The following ROBO2 variants were observed in gnomAD, a reference collection of about 807,000 sequenced individuals.
ROBO2 encodes roundabout homolog 2.
In ROBO2, 53 loss-of-function variants were observed where a neutral mutation model predicts 160.8. That is an observed-to-expected ratio of 0.33 (90% CI 0.26 to 0.41). The LOEUF (loss-of-function observed/expected upper bound fraction) is 0.41. ROBO2 is among the 10% of genes least tolerant of loss of function. The pLI is 1.00. For missense variants in ROBO2, 1,577 were observed against 1,722.4 expected (o/e 0.92, Z 1.49); for synonymous variants, 664 against 611.7 (o/e 1.09, Z -1.26).
chr3:77,171,653 A>C (rs1406038198), intron 2 of ROBO2, among the ~76,000 whole-genome samples: 1 of 152,196 alleles, frequency 6.6e-6, no homozygotes, highest in African/African-American at 2.4e-5. Context: ...TTGTACAGGT[A>C]TCAGAATGAG....
At chr3:75,989,230 G>A (rs1023964439) in intron 2 of ROBO2, among the ~76,000 whole-genome samples, 1 of 152,052 alleles carries the variant, frequency 6.6e-6, no homozygotes. Flanking sequence ...CAATTCTCCT[G>A]CCTCAGCCTC....
chr3:77,341,825 A>G (rs1274558824), intron 2 of ROBO2, among the ~76,000 whole-genome samples: 1 of 151,490 alleles, frequency 6.6e-6, no homozygotes, highest in Non-Finnish European at 1.5e-5. Context: ...GGTTATATGC[A>G]TATTCTAATT....
At chr3:75,919,520 G>C (rs1946940849) in intron 1 of ROBO2, among the ~76,000 whole-genome samples, 1 of 152,170 alleles carries the variant, frequency 6.6e-6, no homozygotes, top group South Asian at 2.1e-4. Flanking sequence ...GTCTTTGCCA[G>C]GTTTTGGAAT....
chr3:76,603,962 C>A (rs1308973886), intron 2 of ROBO2, among the ~76,000 whole-genome samples: 1 of 152,088 alleles, frequency 6.6e-6, no homozygotes, highest in African/African-American at 2.4e-5. Flanking sequence ...CAGTTGTTTA[C>A]AGAAAGAAAA....
At chr3:76,299,608 T>G (rs1306286864) in intron 2 of ROBO2, among the ~76,000 whole-genome samples, 1 of 152,078 alleles carries the variant, frequency 6.6e-6, no homozygotes, top group African/African-American at 2.4e-5. Flanking sequence ...TGACTTAGGT[T>G]TTGAAAAGAC....
chr3:77,091,183 T>C (rs570123612), intron 1 of ROBO2, among the ~76,000 whole-genome samples: 8 of 152,126 alleles, frequency 5.3e-5, no homozygotes, highest in South Asian at 2.1e-4. Flanking sequence ...TCCAACTCAA[T>C]GAGGCAGAGA....
At chr3:76,666,817 A>G (rs1052773382) in intron 2 of ROBO2, among the ~76,000 whole-genome samples, 2 of 152,104 alleles carry the variant, frequency 1.3e-5, no homozygotes, top group Non-Finnish European at 2.9e-5. Flanking sequence ...GATTACATTT[A>G]TTTTTAAAGC....
chr3:77,325,174 T>G (rs1303501472), intron 2 of ROBO2, among the ~76,000 whole-genome samples: 1 of 149,280 alleles, frequency 6.7e-6, no homozygotes, highest in Non-Finnish European at 1.5e-5. Context: ...TCCAAATACT[T>G]ACAACATTTT....
chr3:77,179,771 G>A (rs2080522119), intron 2 of ROBO2, among the ~76,000 whole-genome samples: 1 of 152,048 alleles, frequency 6.6e-6, no homozygotes, highest in Non-Finnish European at 1.5e-5. Context: ...ACAAAGATTG[G>A]CCTTTATGGA....
intron 4 of ROBO2, among the ~76,000 whole-genome samples, chr3:77,490,303 G>T (rs942532975): frequency 6.6e-6 from 1 of 151,892 alleles, no homozygotes; most frequent in Non-Finnish European, 1.5e-5. Context: ...TGTTAGCCAG[G>T]ATGGTCTCGA....
rs75757235 is a variant in ROBO2, at chr3:76,572,629, T to A, written c.110-525385T>A. On this transcript the variant is annotated intron_variant, in intron 2 of 26. Transcript: ENST00000487694. ...ATATTCTTATGTCAAAATGAATACG[T>A]CAAAAAGTATGTAAGTCTCTGAGAA... Among the ~76,000 whole-genome samples the A allele has an allele frequency of 2.5e-3, 379 of 152,286 alleles. 3 individuals are homozygous for A. Among genetic ancestry groups the A allele is most frequent in the African/African-American group, 8.6e-3 (357 of 41,560 alleles).
At chr3:76,500,656 T>C (rs2080409585) in intron 2 of ROBO2, among the ~76,000 whole-genome samples, 1 of 152,136 alleles carries the variant, frequency 6.6e-6, no homozygotes, top group South Asian at 2.1e-4. Context: ...TATGACAGAG[T>C]GACAGCTCTG....
At chr3:76,649,155 C>G (rs1052029762) in intron 2 of ROBO2, among the ~76,000 whole-genome samples, 2 of 151,996 alleles carry the variant, frequency 1.3e-5, no homozygotes, top group African/African-American at 2.4e-5. Flanking sequence ...AAAAATGTGG[C>G]TCAATTTCTA....
chr3:76,000,390 ACAT>A (rs1157826229), intron 2 of ROBO2, among the ~76,000 whole-genome samples: 1 of 152,260 alleles, frequency 6.6e-6, no homozygotes, highest in East Asian at 1.9e-4. Context: ...GTTTCAAACA[ACAT>A]CATTGTGCTA....
chr3:76,601,546 C>A (rs944455164), intron 2 of ROBO2, among the ~76,000 whole-genome samples: 1 of 152,218 alleles, frequency 6.6e-6, no homozygotes, highest in Non-Finnish European at 1.5e-5. Context: ...GGGCTTCCAC[C>A]CTCTGAATCA....
At chr3:76,976,074 GT>G (rs1007294191) in intron 2 of ROBO2, among the ~76,000 whole-genome samples, 43 of 152,154 alleles carry the variant, frequency 2.8e-4, no homozygotes, top group African/African-American at 7.2e-4. Context: ...TTTTGTTGGT[GT>G]TTTGGTTAGA....
intron 6 of ROBO2, among the ~76,000 whole-genome samples, chr3:77,543,190 GTTCCACTC>G (rs2092553627): frequency 6.6e-6 from 1 of 151,594 alleles, no homozygotes; most frequent in Non-Finnish European, 1.5e-5. Context: ...GATTGGTTCT[GTTCCACTC>G]TTTCTCCCCC....
chr3:75,948,582 C>T (rs1028820796), intron 2 of ROBO2, among the ~76,000 whole-genome samples: 42 of 152,050 alleles, frequency 2.8e-4, no homozygotes, highest in African/African-American at 9.9e-4. Context: ...CTACTTGAGC[C>T]TTCTGGTAGT....
At chr3:77,599,841 C>G (rs547474840) in intron 19 of ROBO2, among the ~76,000 whole-genome samples, 3 of 152,218 alleles carry the variant, frequency 2.0e-5, no homozygotes, top group South Asian at 4.1e-4. Flanking sequence ...CTTCAAAACA[C>G]TGGGTGAGCA....
Sources: allele counts gnomAD v4.1 joint callset (sites outside exome capture counted in the v4.1 genomes callset), GRCh38; gene constraint gnomAD v4.1.1; transcripts MANE v1.5; gene names NCBI Gene and HGNC (gene_info 2026-07-23, HGNC 2026-07-21).